USP46: variants seen among roughly 807,000 people sequenced by gnomAD.
USP46 encodes ubiquitin specific peptidase 46.
USP46 carries 12 observed loss-of-function variants against 44.4 expected under a neutral mutation model. The ratio of observed to expected loss-of-function variants is 0.27; its 90% CI spans 0.17 to 0.44. The LOEUF is 0.44. Ranked by LOEUF, USP46 falls within the 20% of genes least tolerant of loss-of-function variation. USP46 has a pLI of 1.00. For missense variants in USP46, 248 were observed against 444.8 expected (o/e 0.56, Z 3.98); for synonymous variants, 155 against 161.5 (o/e 0.96, Z 0.31).
At chr4:52,624,243 G>C (rs931184898) in intron 4 of USP46, among the ~76,000 whole-genome samples, 1 of 152,156 alleles carries the variant, frequency 6.6e-6, no homozygotes, top group Non-Finnish European at 1.5e-5. Flanking sequence ...AAAGTAGAAA[G>C]GAACAGAGGG....
intron 1 of USP46, chr4:52,656,636 T>C (rs2109378541): frequency 8.7e-7 from 1 of 1,148,122 alleles, no homozygotes; most frequent in South Asian, 2.8e-5. Flanking sequence ...GTTCTAGCCA[T>C]GTACCAGGCC....
At position 52,593,657 on chromosome 4, in the gene USP46, C is replaced by A. The variant is rs1251215847; in HGVS notation, c.*3983G>T. The A allele has an allele frequency of 6.6e-6, 1 of 152,272 alleles. No homozygotes were observed. The highest frequency in any genetic ancestry group is 1.5e-5 in the Non-Finnish European group (1 of 68,070). 9.4% of individuals were successfully genotyped at this position (152,272 alleles called of 1,614,324 possible). A position where few individuals can be genotyped will look rare whatever the true frequency, so the allele number is the denominator to read the frequency against. ...GTGGTGTGAACCCACGTGAGTATTT[C>A]TGAAGCTGGGGGGTCCCCCATGGCT... On this transcript the variant is annotated 3_prime_UTR_variant, in exon 9 of 9. Transcript: ENST00000441222.
chr4:52,647,472 C>T (rs1001393291), intron 1 of USP46, among the ~76,000 whole-genome samples: 2 of 152,200 alleles, frequency 1.3e-5, no homozygotes, highest in African/African-American at 4.8e-5. Flanking sequence ...AAAGAAACTG[C>T]GCTTAGCTAC....
At chr4:52,641,965 T>C (rs1372295106) in intron 1 of USP46, among the ~76,000 whole-genome samples, 1 of 152,226 alleles carries the variant, frequency 6.6e-6, no homozygotes, top group Admixed American at 6.5e-5. Flanking sequence ...TGTAGATCTA[T>C]CGTTCAAAAG....
chr4:52,644,607 T>C (rs150630174), intron 1 of USP46, among the ~76,000 whole-genome samples: 156 of 152,074 alleles, frequency 1.0e-3, no homozygotes, highest in Non-Finnish European at 1.5e-3. Context: ...TAATGCCTGA[T>C]AATCTGAGGT....
chr4:52,643,657 C>T (rs1292796524), intron 1 of USP46, among the ~76,000 whole-genome samples: 1 of 152,198 alleles, frequency 6.6e-6, no homozygotes, highest in Non-Finnish European at 1.5e-5. Context: ...TAAATTTGCT[C>T]ACTGAATAAA....
intron 4 of USP46, among the ~76,000 whole-genome samples, chr4:52,619,848 C>A (rs1717315642): frequency 6.6e-6 from 1 of 152,148 alleles, no homozygotes; most frequent in African/African-American, 2.4e-5. Context: ...GGATCCCATC[C>A]AGTTGAAGGA....
At chr4:52,606,313 G>T (rs529712821) in intron 5 of USP46, among the ~76,000 whole-genome samples, 1 of 152,168 alleles carries the variant, frequency 6.6e-6, no homozygotes, top group Admixed American at 6.5e-5. Context: ...CAGCGGTGAC[G>T]TATTAGTCTG....
chr4:52,605,558 A>T (rs1257103685), intron 5 of USP46, among the ~76,000 whole-genome samples: 2 of 152,264 alleles, frequency 1.3e-5, no homozygotes, highest in Non-Finnish European at 2.9e-5. Flanking sequence ...TACACAGAAC[A>T]CATCAAAAGA....
intron 1 of USP46, among the ~76,000 whole-genome samples, chr4:52,655,839 T>G (rs1718927981): frequency 6.6e-6 from 1 of 152,134 alleles, no homozygotes; most frequent in African/African-American, 2.4e-5. Flanking sequence ...AAATAGAAAC[T>G]AGTACTAAAC....
intron 1 of USP46, among the ~76,000 whole-genome samples, chr4:52,648,687 T>A (rs185259140): frequency 3.3e-5 from 5 of 152,278 alleles, no homozygotes; most frequent in Admixed American, 3.3e-4. Flanking sequence ...GAATGTTATT[T>A]TTTATTTATT....
chr4:52,598,446 C>T (rs1577654811), intron 8 of USP46, 182 bp downstream of exon 8: 3 of 611,292 alleles, frequency 4.9e-6, no homozygotes, highest in East Asian at 5.8e-5. Flanking sequence ...TCCATGATCA[C>T]ACCCCTTCTC....
rs1227848348 is a variant in USP46 at position 52,628,100 on chromosome 4, C to T, written c.181G>A (p.Glu61Lys). Residue 61 changes from glutamate to lysine, a missense_variant, in exon 3 of 9, where the codon GAG becomes AAG. Glu to Lys is a moderately conservative substitution (Grantham distance 56). Around this residue, in one of 5 missense-constraint regions of USP46, gnomAD observed 54 missense variants for 135.0 expected, o/e 0.40. Coordinates refer to ENST00000441222, the MANE Select transcript of USP46 (RefSeq NM_022832.4). Reference sequence around the variant, plus strand: ...TGGGCCTTGTATGCCAACACATTCTCCCGGAATGGACGGCAGAAGTACAAT... The same window carrying T: ...TGGGCCTTGTATGCCAACACATTCTTCCGGAATGGACGGCAGAAGTACAAT... ...QALYFCRPFR[E>K]NVLAYKAQQK... is the part of the protein sequence containing the mutation. 1 of 1,613,952 alleles carries T rather than the reference C, an allele frequency of 6.2e-7. No individual in the cohort carries two copies.
chr4:52,610,931 A>C (rs1716912558), intron 4 of USP46, among the ~76,000 whole-genome samples: 1 of 152,146 alleles, frequency 6.6e-6, no homozygotes, highest in South Asian at 2.1e-4. Context: ...TTAAATATCC[A>C]TATAGCCCAG....
At position 52,610,617 on chromosome 4, in the gene USP46, C is replaced by A; in HGVS notation, c.562G>T (p.Val188Phe). 6.2e-7 allele frequency: 1 copy of A among 1,613,590 alleles called. No homozygotes were observed. The highest frequency in any genetic ancestry group is 8.5e-7 in the Non-Finnish European group (1 of 1,179,728). ...NETRCLNCET[V>F]SSKDEDFLDL... ...AGAAAATCTTCATCTTTGCTACTAA[C>A]CTGAAACAAAAAACAGAAACAATAT... Residue 188 changes from valine to phenylalanine, a missense_variant and splice_region_variant, in exon 5 of 9, where the codon GTT becomes TTT. Transcript: ENST00000441222.
intron 1 of USP46, among the ~76,000 whole-genome samples, chr4:52,649,850 A>G (rs1718688104): frequency 6.6e-6 from 1 of 152,254 alleles, no homozygotes; most frequent in Admixed American, 6.5e-5. Flanking sequence ...ATGGTGGTTT[A>G]TCAACCTTGG....
chr4:52,611,292 G>A (rs1716924729), intron 4 of USP46, among the ~76,000 whole-genome samples: 1 of 152,180 alleles, frequency 6.6e-6, no homozygotes, highest in Non-Finnish European at 1.5e-5. Flanking sequence ...CCGGTTCGGT[G>A]GCCCCAGCTG....
Position 52,620,607 on chromosome 4 carries a change from C to A in USP46, c.561+5411G>T, listed in dbSNP as rs143318394. 5.1e-4 allele frequency among the ~76,000 whole-genome samples: 77 copies of A among 152,138 alleles called. 1 individual carries two copies. In the East Asian group the frequency reaches 0.014, roughly 28 times the overall value. ...ATACTGTACAAAGCCACTAGATTAG[C>A]AAAAGTGAAGACATGAGAATAGCAG... is the stretch of plus-strand genomic sequence containing the variant. On this transcript the variant is annotated intron_variant, in intron 4 of 8. Transcript: ENST00000441222.
At chr4:52,639,658 C>T (rs1718254192) in intron 1 of USP46, among the ~76,000 whole-genome samples, 1 of 152,106 alleles carries the variant, frequency 6.6e-6, no homozygotes, top group Non-Finnish European at 1.5e-5. Context: ...TGGTCTTTAC[C>T]TGGGCAGCCA....
Sources: allele counts gnomAD v4.1 joint callset (sites outside exome capture counted in the v4.1 genomes callset), GRCh38; gene constraint gnomAD v4.1.1; regional missense constraint gnomAD v4.1.1; transcripts MANE v1.5; gene names NCBI Gene and HGNC (gene_info 2026-07-23, HGNC 2026-07-21).